The following AHNAK variants were observed in gnomAD, a reference collection of about 807,000 sequenced individuals.
AHNAK encodes AHNAK nucleoprotein.
AHNAK carries 23 observed loss-of-function variants against 37.8 expected under a neutral mutation model. The ratio of observed to expected loss-of-function variants is 0.61; its 90% CI spans 0.44 to 0.86. The LOEUF (loss-of-function observed/expected upper bound fraction) is 0.86, where lower values mean the gene tolerates loss of function less well. Among genes scored for constraint, AHNAK ranks in the 40% least tolerant of loss-of-function variants. AHNAK has a pLI of 0.00. For missense variants in AHNAK, 7,411 were observed against 7,319.4 expected (o/e 1.01, Z -0.46); for synonymous variants, 2,481 against 2,636.3 (o/e 0.94, Z 1.80).
rs192578949 is a variant in AHNAK, at chr11:62,535,040, C to T, written c.305G>A (p.Arg102His). ...AGAGCTGCAGGAGCTGAAGACTTCA[C>T]GGGTCCAGGTCTGGCCAGGCTCGGG... is the stretch of plus-strand genomic sequence containing the variant. The part of the protein sequence containing the change: ...RSPEPGQTWT[R>H]EVFSSCSSEV... The change falls in exon 4 of 5, where the codon CGT becomes CAT. Residue 102 changes from arginine to histidine, a missense_variant. By Grantham distance (29) the Arg-to-His change is conservative. Transcript: ENST00000378024. 113 of 1,613,124 alleles carry T rather than the reference C, an allele frequency of 7.0e-5. No individual in the cohort carries two copies. The highest frequency in any genetic ancestry group is 4.5e-4 in the South Asian group (41 of 91,062).
Position 62,532,131 on chromosome 11 carries a change from G to A in AHNAK, c.2286C>T (p.Phe762=). 2 of 1,613,440 alleles carry A rather than the reference G, an allele frequency of 1.2e-6. No individual in the cohort carries two copies. The highest frequency in any genetic ancestry group is 1.7e-6 in the Non-Finnish European group (2 of 1,179,906). The change falls in exon 5 of 5, where the codon TTC becomes TTT. Residue 762 remains phenylalanine (F), a synonymous_variant. Coordinates refer to ENST00000378024, the MANE Select transcript of AHNAK (RefSeq NM_001620.3). The part of the protein sequence containing the change: ...MKMPKFSVPG[F]KAEGPEVDVN... ...CATCCACTTCTGGGCCCTCTGCTTT[G>A]AACCCTGGCACACTGAATTTGGGCA...
Position 62,529,571 on chromosome 11 carries a change from T to C in AHNAK, c.4846A>G (p.Lys1616Glu). The change falls in exon 5 of 5, where the codon AAA (lysine) becomes GAA (glutamate). Residue 1616 changes from lysine to glutamate, a missense_variant. Physicochemically the swap from Lys to Glu is moderately conservative, Grantham distance 56 (BLOSUM62 1). Transcript: ENST00000378024. ...GDLKGPEIDV[K>E]APKMDVNVGD... ...ACATTCACATCCATCTTAGGGGCTT[T>C]CACATCAATTTCAGGACCCTTCAAG... 1.9e-6 allele frequency: 3 copies of C among 1,614,170 alleles called. No homozygotes were observed. The South Asian group carries it at 3.3e-5, about 18-fold the overall frequency.
downstream of AHNAK, among the ~76,000 whole-genome samples, chr11:62,512,773 T>C (rs967597292): frequency 6.6e-6 from 1 of 151,164 alleles, no homozygotes; most frequent in African/African-American, 2.4e-5. This position sits in a 1 kb window ranked among gnomAD's most constrained non-coding sequence, Gnocchi z 4.0. Context: ...GGTGTGGTGG[T>C]TGAGCTTGAG....
chr11:62,457,776 C>A (rs1274898147), intron 5 of AHNAK, among the ~76,000 whole-genome samples: 1 of 152,182 alleles, frequency 6.6e-6, no homozygotes, highest in African/African-American at 2.4e-5. Context: ...ACTGTCACCA[C>A]CAGAGAGAGG....
rs201858860 is a variant in AHNAK at position 62,533,625 on chromosome 11, G to T, written c.792C>A (p.Gly264=). 283 of 1,614,144 alleles carry T rather than the reference G, an allele frequency of 1.8e-4. No individual in the cohort carries two copies. The Middle Eastern group carries it at 3.0e-3, about 17-fold the overall frequency. Residue 264 remains glycine, a synonymous_variant, in exon 5 of 5, where the codon GGC becomes GGA. Coordinates refer to ENST00000378024, the MANE Select transcript of AHNAK (RefSeq NM_001620.3). The part of the protein sequence containing the change: ...GGSGVNVNAK[G]LDLGGRGGVQ... Reference sequence around the variant, plus strand: ...CCCCTCCTCTGCCACCCAAGTCCAAGCCCTTTGCATTGACATTGACACCTG... The same window carrying T: ...CCCCTCCTCTGCCACCCAAGTCCAATCCCTTTGCATTGACATTGACACCTG...
intron 4 of AHNAK, among the ~76,000 whole-genome samples, chr11:62,495,695 C>T (rs1406615279): frequency 6.6e-6 from 1 of 150,632 alleles, no homozygotes; most frequent in Non-Finnish European, 1.5e-5. Flanking sequence ...GCCGAGATCA[C>T]GCCACTGCAC....
At chr11:62,446,273 C>T (rs1938421803) in intron 5 of AHNAK, among the ~76,000 whole-genome samples, 1 of 152,120 alleles carries the variant, frequency 6.6e-6, no homozygotes, top group African/African-American at 2.4e-5. Flanking sequence ...GAACCTGGAA[C>T]CTGAAACTCA....
At chr11:62,436,247 G>C (rs1226723239) in intron 5 of AHNAK, among the ~76,000 whole-genome samples, 1 of 152,158 alleles carries the variant, frequency 6.6e-6, no homozygotes, top group African/African-American at 2.4e-5. Context: ...GAAGAAGGTG[G>C]GGGAACTTGG....
At position 62,524,382 on chromosome 11, in the gene AHNAK, G is replaced by C; in HGVS notation, c.10035C>G (p.Gly3345=). The C allele has an allele frequency of 6.2e-7, 1 of 1,612,766 alleles. No homozygotes were observed. The highest frequency in any genetic ancestry group is 8.5e-7 in the Non-Finnish European group (1 of 1,179,696). Residue 3345 remains glycine, a synonymous_variant, in exon 5 of 5, where the codon GGC becomes GGG. Transcript: ENST00000378024. ...GCTTAAAACGAGATTTCTTTGACTT[G>C]CCTTCGATATTAAGCTTAGGACCGG... The part of the protein sequence containing the change: ...DVSGPKLNIE[G]KSKKSRFKLP...
At position 62,531,400 on chromosome 11, in the gene AHNAK, A is replaced by C. The variant is rs1372669719; in HGVS notation, c.3017T>G (p.Phe1006Cys). The C allele has an allele frequency of 1.2e-6, 2 of 1,614,110 alleles. No homozygotes were observed. Among genetic ancestry groups the C allele is most frequent in the Non-Finnish European group, 1.7e-6 (2 of 1,180,018 alleles). The change falls in exon 5 of 5, where the codon TTT becomes TGT. Residue 1006 changes from phenylalanine to cysteine, a missense_variant. Coordinates refer to ENST00000378024, the MANE Select transcript of AHNAK (RefSeq NM_001620.3). Reference protein sequence around the residue: ...LKMPKIKMPKFSMPSLKGEGP... With the variant: ...LKMPKIKMPKCSMPSLKGEGP... ...CTCTCCTTTGAGGCTGGGCATGCTA[A>C]ATTTGGGCATTTTAATCTTTGGCAT... is the stretch of plus-strand genomic sequence containing the variant.
At chr11:62,437,433 C>T (rs1938198567) in intron 5 of AHNAK, among the ~76,000 whole-genome samples, 1 of 152,170 alleles carries the variant, frequency 6.6e-6, no homozygotes, top group African/African-American at 2.4e-5. Flanking sequence ...TCAGCCACTG[C>T]AACATCTGCC....
At chr11:62,458,127 C>T (rs1447242706) in intron 5 of AHNAK, among the ~76,000 whole-genome samples, 1 of 151,844 alleles carries the variant, frequency 6.6e-6, no homozygotes, top group Non-Finnish European at 1.5e-5. Context: ...ACCATGTTGA[C>T]CAGGCTGGTC....
At chr11:62,514,213 C>G (rs1225860244), downstream of AHNAK, among the ~76,000 whole-genome samples, 1 of 152,176 alleles carries the variant, frequency 6.6e-6, no homozygotes, top group East Asian at 1.9e-4. Context: ...CTGTCGCACA[C>G]TCACCCCACC....
intron 5 of AHNAK, among the ~76,000 whole-genome samples, chr11:62,451,808 ATTT>A (rs1163318132): frequency 7.4e-6 from 1 of 135,606 alleles, no homozygotes. Flanking sequence ...TAGCAAACTA[ATTT>A]TTTTTTTTTT....
Position 62,519,283 on chromosome 11 carries a change from T to G in AHNAK, c.15134A>C (p.Asn5045Thr), listed in dbSNP as rs1940142672. ...IKAKKQGFDL[N>T]VPGGEIDASL... ...GGCATCAATTTCACCCCCAGGAACA[T>G]TCAGGTCAAATCCCTGTTTTTTGGC... The change falls in exon 5 of 5, where the codon AAT becomes ACT. Residue 5045 changes from asparagine (N) to threonine (T), a missense_variant. Coordinates refer to ENST00000378024, the MANE Select transcript of AHNAK (RefSeq NM_001620.3). 1.9e-6 allele frequency: 3 copies of G among 1,614,148 alleles called. No individual in the cohort carries two copies. The highest frequency in any genetic ancestry group is 2.5e-6 in the Non-Finnish European group (3 of 1,180,026).
chr11:62,467,812 C>CT (rs1267421056), intron 5 of AHNAK, among the ~76,000 whole-genome samples: 1 of 152,236 alleles, frequency 6.6e-6, no homozygotes, highest in Non-Finnish European at 1.5e-5. Flanking sequence ...CCTACTAAAA[C>CT]TTTCAGCAAC....
chr11:62,528,716 G>A lies in AHNAK; in HGVS notation c.5701C>T (p.Pro1901Ser). 5 of 1,610,410 alleles carry A rather than the reference G, an allele frequency of 3.1e-6. No individual in the cohort carries two copies. Among genetic ancestry groups the A allele is most frequent in the Non-Finnish European group, 4.2e-6 (5 of 1,179,364 alleles). The change falls in exon 5 of 5, where the codon CCT becomes TCT. Residue 1901 changes from proline (P) to serine (S), a missense_variant. Transcript: ENST00000378024. The stretch of plus-strand genomic sequence containing the variant: ...TTAGGGCCTTTCAACTTTGCATCAG[G>A]ACACTCCAGCTCAACATCAGGCACC... ...VEVPDVELEC[P>S]DAKLKGPKFK...
At chr11:62,473,220 C>A (rs543514682) in intron 5 of AHNAK, among the ~76,000 whole-genome samples, 5 of 143,276 alleles carry the variant, frequency 3.5e-5, no homozygotes, top group African/African-American at 1.0e-4. Context: ...CATGGTGAAA[C>A]CCTGTCTCTA....
rs1940534577 is a variant in AHNAK at position 62,527,349 on chromosome 11, G to C, written c.7068C>G (p.Asp2356Glu). The change falls in exon 5 of 5, where the codon GAC becomes GAG. Residue 2356 changes from aspartate to glutamate, a missense_variant. Coordinates refer to ENST00000378024, the MANE Select transcript of AHNAK (RefSeq NM_001620.3). ...GGCCTTCCACAGCTACTTCTGGCAT[G>C]TCAGCATCTAATTTGGGACCTTTGA... is the stretch of plus-strand genomic sequence containing the variant. ...LDVKGPKLDADMPEVAVEGPN... is the reference protein window; with the variant it reads ...LDVKGPKLDAEMPEVAVEGPN... 6.2e-7 allele frequency: 1 copy of C among 1,613,892 alleles called. No homozygotes were observed. Among genetic ancestry groups the C allele is most frequent in the African/African-American group, 1.3e-5 (1 of 74,900 alleles).
Sources: gnomAD v4.1 joint callset for allele counts (sites outside exome capture counted in the v4.1 genomes callset) on GRCh38, gnomAD v4.1.1 for gene constraint, Gnocchi (gnomAD v3.1) non-coding constraint, MANE v1.5 for transcripts, NCBI Gene and HGNC (gene_info 2026-07-23, HGNC 2026-07-21) for gene names.